LEKR1: variants seen among roughly 807,000 people sequenced by gnomAD.
LEKR1 encodes the protein leucine, glutamate and lysine rich 1, also known as protein LEKR1.
LEKR1 carries 59 observed loss-of-function variants against 72.4 expected under a neutral mutation model. That is an observed-to-expected ratio of 0.82 (90% confidence interval 0.66 to 1.01). The LOEUF is 1.01. LEKR1 is among the 50% of genes least tolerant of loss of function. The pLI is 0.00. For missense variants in LEKR1, 728 were observed against 759.2 expected (o/e 0.96, Z 0.48); for synonymous variants, 257 against 263.2 (o/e 0.98, Z 0.23).
chr3:157,018,309 G>A (rs1023506042), intron 10 of LEKR1, among the ~76,000 whole-genome samples: 1 of 151,996 alleles, frequency 6.6e-6, no homozygotes, highest in African/African-American at 2.4e-5. Context: ...TATATTGAAC[G>A]ATATTGTTAA....
chr3:156,968,810 A>G lies in LEKR1; in HGVS notation c.746-10384A>G, dbSNP rs191976596. ...ACAGAACTCTCCACCCCAAATCAAC[A>G]GAATATACATTCTTCTCAGTCAGCA... On this transcript the variant is annotated intron_variant, in intron 6 of 12. Coordinates refer to ENST00000356539, the MANE Select transcript of LEKR1 (RefSeq NM_001004316.3). 5.9e-3 allele frequency among the ~76,000 whole-genome samples: 893 copies of G among 152,324 alleles called. 7 individuals carry two copies. The highest frequency in any genetic ancestry group is 5.7e-3 in the Non-Finnish European group (387 of 68,032).
chr3:157,013,346 TCTAGTA>T (rs2108024448), intron 10 of LEKR1, among the ~76,000 whole-genome samples: 1 of 152,256 alleles, frequency 6.6e-6, no homozygotes, highest in East Asian at 1.9e-4. Context: ...TATGATCCCC[TCTAGTA>T]CTTCTATTCA....
intron 3 of LEKR1, among the ~76,000 whole-genome samples, chr3:156,881,882 C>G (rs111596354): frequency 1.2e-4 from 17 of 145,442 alleles, no homozygotes; most frequent in East Asian, 9.9e-4. Flanking sequence ...ACAAACCTGA[C>G]AAAAACAAGC....
At chr3:156,998,479 TTATCTTTA>T (rs1731753766) in intron 9 of LEKR1, among the ~76,000 whole-genome samples, 1 of 152,162 alleles carries the variant, frequency 6.6e-6, no homozygotes, top group Non-Finnish European at 1.5e-5. Flanking sequence ...AGATGCTGTA[TTATCTTTA>T]TCTTGGTAAA....
At chr3:156,915,150 G>A (rs1268675260) in intron 3 of LEKR1, among the ~76,000 whole-genome samples, 1 of 151,696 alleles carries the variant, frequency 6.6e-6, no homozygotes, top group African/African-American at 2.4e-5. Context: ...TATCCAATCT[G>A]TCGTTAATGG....
At chr3:156,915,416 G>T (rs553241786) in intron 3 of LEKR1, among the ~76,000 whole-genome samples, 1 of 144,686 alleles carries the variant, frequency 6.9e-6, no homozygotes, top group East Asian at 2.0e-4. Flanking sequence ...GCCAGCATCT[G>T]TTATTTTTTT....
chr3:156,844,906 G>GTTT lies in LEKR1; in HGVS notation c.49-7848_49-7846dup, dbSNP rs3060734. Among the ~76,000 whole-genome samples, 351 of 143,532 alleles carry GTTT rather than the reference G, an allele frequency of 2.4e-3. 1 individual carries two copies. Among genetic ancestry groups the GTTT allele is most frequent in the East Asian group, 0.011 (55 of 4,994 alleles). The allele number at this position is 143,532 out of a possible 152,430, so 94.2% of individuals were successfully genotyped here. A position where few individuals can be genotyped will look rare whatever the true frequency, so the allele number is the denominator to read the frequency against. On this transcript the variant is annotated intron_variant, in intron 2 of 12. Coordinates refer to ENST00000356539, the MANE Select transcript of LEKR1 (RefSeq NM_001004316.3). ...TTGCTATGTTATATAGTAACTACAG[G>GTTT]TTTTTTTTTTTTTTTTAAAGACACT...
intron 3 of LEKR1, among the ~76,000 whole-genome samples, chr3:156,899,794 A>G (rs982077680): frequency 6.7e-6 from 1 of 149,602 alleles, no homozygotes; most frequent in African/African-American, 2.4e-5. Flanking sequence ...ACACATATAT[A>G]CATGTATATA....
chr3:156,977,511 A>G, intron 6 of LEKR1: 1 of 396,156 alleles, frequency 2.5e-6, no homozygotes, highest in Non-Finnish European at 4.9e-6. Context: ...GTCATAGTGC[A>G]GCCTGGGAAG....
At chr3:156,993,478 G>C (rs1282475091) in intron 9 of LEKR1, among the ~76,000 whole-genome samples, 1 of 151,568 alleles carries the variant, frequency 6.6e-6, no homozygotes, top group African/African-American at 2.4e-5. Context: ...TACATGACTT[G>C]GTAAAGTTGC....
intron 2 of LEKR1, among the ~76,000 whole-genome samples, chr3:156,840,610 A>G (rs1713782772): frequency 6.6e-6 from 1 of 152,182 alleles, no homozygotes; most frequent in South Asian, 2.1e-4. Flanking sequence ...GCTTTTGTCC[A>G]TTGTGCATGT....
chr3:157,014,537 TAA>T lies in LEKR1; in HGVS notation c.1203+3034_1203+3035del, dbSNP rs1247914023. Among the ~76,000 whole-genome samples the T allele has an allele frequency of 5.3e-5, 8 of 152,256 alleles. No homozygotes were observed. The Middle Eastern group carries it at 0.01, about 194-fold the overall frequency. On this transcript the variant is annotated intron_variant, in intron 10 of 12. Coordinates refer to ENST00000356539, the MANE Select transcript of LEKR1 (RefSeq NM_001004316.3). Reference sequence around the variant, plus strand: ...TGTTTTAGTATGCTATTATTAAAATTAAAAGAGATAATTTCTGACGTACAAAA... The same window carrying T: ...TGTTTTAGTATGCTATTATTAAAATTAAGAGATAATTTCTGACGTACAAAA...
At chr3:156,839,279 G>C (rs1713573514) in intron 2 of LEKR1, among the ~76,000 whole-genome samples, 1 of 152,176 alleles carries the variant, frequency 6.6e-6, no homozygotes, top group Non-Finnish European at 1.5e-5. Context: ...TCAATGCTTT[G>C]TCTCTGAAGT....
intron 3 of LEKR1, among the ~76,000 whole-genome samples, chr3:156,893,364 TATATTTTACA>T (rs1720852803): frequency 6.6e-6 from 1 of 152,218 alleles, no homozygotes; most frequent in Non-Finnish European, 1.5e-5. Flanking sequence ...TAGCCTTATT[TATATTTTACA>T]AGAAAAATAA....
At chr3:156,996,295 A>G (rs1196718472) in intron 9 of LEKR1, among the ~76,000 whole-genome samples, 2 of 152,268 alleles carry the variant, frequency 1.3e-5, no homozygotes, top group Middle Eastern at 3.4e-3. Flanking sequence ...TACTCTGCCC[A>G]TTTCCTAAAG....
chr3:156,984,684 A>T (rs950329462), intron 7 of LEKR1, among the ~76,000 whole-genome samples: 13 of 152,104 alleles, frequency 8.5e-5, no homozygotes, highest in African/African-American at 2.9e-4. Context: ...CTCAAAAAAA[A>T]TTTTAAAAAA....
intron 3 of LEKR1, among the ~76,000 whole-genome samples, chr3:156,861,954 T>C (rs1276965450): frequency 1.3e-5 from 2 of 152,104 alleles, no homozygotes; most frequent in Non-Finnish European, 2.9e-5. Context: ...CTTCTCTCCA[T>C]GAACATGTGC....
At chr3:156,945,361 T>C (rs62275814) in intron 6 of LEKR1, among the ~76,000 whole-genome samples, 4,799 of 151,986 alleles carry the variant, frequency 0.032, 114 homozygotes, top group Non-Finnish European at 0.047. Context: ...TTTCTCCCAT[T>C]CTGTGGGTTG....
rs114288021 is a variant in LEKR1 at position 156,831,468 on chromosome 3, G to A, written c.48+2091G>A. The stretch of plus-strand genomic sequence containing the variant: ...ATAAAGTTCTCCCAAAGTTAGATTG[G>A]CCCATACCCAGAAATTGTGTATTAG... On this transcript the variant is annotated intron_variant, in intron 2 of 12. Coordinates refer to ENST00000356539, the MANE Select transcript of LEKR1 (RefSeq NM_001004316.3). Among the ~76,000 whole-genome samples, 239 of 152,228 alleles carry A rather than the reference G, an allele frequency of 1.6e-3. 3 individuals carry two copies. The highest frequency in any genetic ancestry group is 5.6e-3 in the African/African-American group (233 of 41,538).
Sources: gnomAD v4.1 joint callset for allele counts (sites outside exome capture counted in the v4.1 genomes callset) on GRCh38, gnomAD v4.1.1 for gene constraint, MANE v1.5 for transcripts, NCBI Gene and HGNC (gene_info 2026-07-23, HGNC 2026-07-21) for gene names.